SETD5: variants seen among roughly 807,000 people sequenced by gnomAD.
SETD5 encodes histone-lysine N-methyltransferase SETD5.
In SETD5, 44 loss-of-function variants were observed where a neutral mutation model predicts 153.3. The observed-to-expected ratio is 0.29, with a 90% confidence interval of 0.23 to 0.37. The LOEUF (loss-of-function observed/expected upper bound fraction) is 0.37. Among genes scored for constraint, SETD5 ranks in the 10% least tolerant of loss-of-function variants. The pLI is 1.00. For synonymous variants in SETD5, 716 were observed against 645.2 expected (o/e 1.11, Z -1.66); for missense variants, 1,544 against 1,768.0 (o/e 0.87, Z 2.27).
intron 2 of SETD5, among the ~76,000 whole-genome samples, chr3:9,426,704 A>T (rs1035061562): frequency 6.6e-6 from 1 of 151,240 alleles, no homozygotes; most frequent in Admixed American, 6.6e-5. Flanking sequence ...ACACCAGGTA[A>T]ATTTTGTATT....
At chr3:9,462,521 A>G (rs2044085364) in intron 17 of SETD5, among the ~76,000 whole-genome samples, 2 of 150,442 alleles carry the variant, frequency 1.3e-5, no homozygotes, top group South Asian at 4.2e-4. Context: ...TGGGAGGCGG[A>G]CCTTGCAGTG....
chr3:9,450,746 T>G (rs1253266690), intron 16 of SETD5, among the ~76,000 whole-genome samples: 1 of 152,198 alleles, frequency 6.6e-6, no homozygotes, highest in Non-Finnish European at 1.5e-5. Flanking sequence ...AATGTATATT[T>G]CTAATAGGCT....
At chr3:9,402,184 G>A (rs140202996) in intron 1 of SETD5, among the ~76,000 whole-genome samples, 72 of 152,206 alleles carry the variant, frequency 4.7e-4, no homozygotes, top group Admixed American at 1.5e-3. Flanking sequence ...TATGAATTGC[G>A]TAAAAGATAC....
In SETD5 at chr3:9,434,506, A is replaced by T; in HGVS notation, c.329+21A>T. On this transcript the variant is annotated intron_variant, in intron 5 of 22. Coordinates refer to ENST00000402198, the MANE Select transcript of SETD5 (RefSeq NM_001080517.3). This position sits in a 1 kb window ranked among gnomAD's most constrained non-coding sequence, Gnocchi z 5.6. ...TGCAGGTAAGATCCTGTTCCATCTA[A>T]ATTTAAGTCTGGGTTGCTGGGATTA... 1.2e-6 allele frequency: 2 copies of T among 1,613,628 alleles called. No individual in the cohort carries two copies. The highest frequency in any genetic ancestry group is 8.5e-7 in the Non-Finnish European group (1 of 1,179,718).
intron 1 of SETD5, among the ~76,000 whole-genome samples, chr3:9,412,146 A>G (rs2036658827): frequency 6.6e-6 from 1 of 151,968 alleles, no homozygotes; most frequent in African/African-American, 2.4e-5. Context: ...CCTCAAAGTA[A>G]GTTATATAAC....
intron 7 of SETD5, among the ~76,000 whole-genome samples, chr3:9,436,323 A>G (rs147940557): frequency 9.8e-5 from 15 of 152,308 alleles, no homozygotes; most frequent in Non-Finnish European, 1.9e-4. Flanking sequence ...AAAAAATAAA[A>G]ATCAGGAAAC....
intron 19 of SETD5, 107 bp downstream of exon 19, chr3:9,471,036 T>A (rs1050934294): frequency 1.7e-5 from 11 of 635,190 alleles, no homozygotes; most frequent in Middle Eastern, 4.3e-4. Context: ...CTCAGACAAG[T>A]GAGACATAGT....
In SETD5 at chr3:9,406,167, T is replaced by A. The variant is rs182217544; in HGVS notation, c.-177+8190T>A. On this transcript the variant is annotated intron_variant, in intron 1 of 22. Transcript: ENST00000402198. ...GACCCCCAATCAGATAGAGTTATTT[T>A]AAAAATAAATGTGTTTATTATGGTA... is the stretch of plus-strand genomic sequence containing the variant. Among the ~76,000 whole-genome samples, 1,488 of 152,290 alleles carry A rather than the reference T, an allele frequency of 9.8e-3. 8 individuals carry two copies. The highest frequency in any genetic ancestry group is 0.033 in the South Asian group (158 of 4,820).
intron 1 of SETD5, among the ~76,000 whole-genome samples, chr3:9,416,933 A>G (rs1411526032): frequency 2.0e-5 from 3 of 151,706 alleles, no homozygotes; most frequent in African/African-American, 2.4e-5. Context: ...GTTTTTCACC[A>G]TAAAGTTTTT....
chr3:9,456,132 C>T (rs1470929190), intron 17 of SETD5, among the ~76,000 whole-genome samples: 1 of 151,982 alleles, frequency 6.6e-6, no homozygotes, highest in African/African-American at 2.4e-5. Context: ...ATCAAACAGA[C>T]CTTTACTTGA....
chr3:9,418,107 ATT>A (rs78653171), intron 1 of SETD5, among the ~76,000 whole-genome samples: 1 of 141,976 alleles, frequency 7.0e-6, no homozygotes, highest in African/African-American at 2.6e-5. Context: ...CTCCCGGCTA[ATT>A]TTTTTTTTTT....
At chr3:9,459,553 G>A (rs1420977817) in intron 17 of SETD5, among the ~76,000 whole-genome samples, 3 of 151,224 alleles carry the variant, frequency 2.0e-5, no homozygotes, top group Non-Finnish European at 2.9e-5. Context: ...GGCGGATCAC[G>A]AGGTCAGGAG....
chr3:9,468,517 A>G, intron 18 of SETD5: 1 of 1,304,236 alleles, frequency 7.7e-7, no homozygotes. Flanking sequence ...TCCCTCCTCT[A>G]GAACATATCC....
At chr3:9,428,440 A>C (rs2039576789) in intron 2 of SETD5, among the ~76,000 whole-genome samples, 1 of 152,222 alleles carries the variant, frequency 6.6e-6, no homozygotes, top group African/African-American at 2.4e-5. Flanking sequence ...GAATTTTTAA[A>C]GAGTTTAGGT....
chr3:9,447,422 T>C (rs767692729), intron 14 of SETD5, 115 bp downstream of exon 14: 5 of 1,393,442 alleles, frequency 3.6e-6, no homozygotes, highest in Non-Finnish European at 4.8e-6. Context: ...TCACAATAAA[T>C]AAGGCCATTA....
chr3:9,461,311 G>A (rs1454737872), intron 17 of SETD5, among the ~76,000 whole-genome samples: 1 of 152,184 alleles, frequency 6.6e-6, no homozygotes, highest in Non-Finnish European at 1.5e-5. Context: ...AACCTGAACT[G>A]TAGATTTCTA....
At chr3:9,409,300 G>A (rs1437708512) in intron 1 of SETD5, among the ~76,000 whole-genome samples, 2 of 152,144 alleles carry the variant, frequency 1.3e-5, no homozygotes, top group East Asian at 3.8e-4. Flanking sequence ...TTTATATACA[G>A]AAGGTAAGAT....
At chr3:9,399,019 G>T (rs1214092524) in intron 1 of SETD5, among the ~76,000 whole-genome samples, 1 of 152,142 alleles carries the variant, frequency 6.6e-6, no homozygotes, top group East Asian at 1.9e-4. Context: ...AGACCTCTGG[G>T]TTCCACTGGG....
rs188774808 is a variant in SETD5 at position 9,407,053 on chromosome 3, C to T, written c.-177+9076C>T. ...TCAGAAGTTGCTGTAGCCAGCCAGG[C>T]GTGGCGGCTCACACTTGTAATCCCA... On this transcript the variant is annotated intron_variant, in intron 1 of 22. Transcript: ENST00000402198. 9.4e-4 allele frequency among the ~76,000 whole-genome samples: 143 copies of T among 152,318 alleles called. 1 individual carries two copies. Among genetic ancestry groups the T allele is most frequent in the Non-Finnish European group, 2.2e-4 (15 of 68,036 alleles).
Sources: gnomAD v4.1 joint callset for allele counts (sites outside exome capture counted in the v4.1 genomes callset) on GRCh38, gnomAD v4.1.1 for gene constraint, Gnocchi (gnomAD v3.1) non-coding constraint, MANE v1.5 for transcripts, NCBI Gene and HGNC (gene_info 2026-07-23, HGNC 2026-07-21) for gene names.